The following SLC12A4 variants were observed in gnomAD, a reference collection of about 807,000 sequenced individuals.
SLC12A4 encodes solute carrier family 12 member 4.
SLC12A4 carries 84 observed loss-of-function variants against 119.2 expected under a neutral mutation model. The observed-to-expected ratio is 0.70, with a 90% CI of 0.59 to 0.85. The LOEUF is 0.85. Ranked by LOEUF, SLC12A4 falls within the 40% of genes least tolerant of loss-of-function variation. SLC12A4 has a pLI of 0.00. For synonymous variants in SLC12A4, 599 were observed against 604.6 expected (o/e 0.99, Z 0.14); for missense variants, 1,298 against 1,476.3 (o/e 0.88, Z 1.98).
chr16:67,961,991 G>C (rs1351257937), intron 2 of SLC12A4, among the ~76,000 whole-genome samples: 2 of 152,214 alleles, frequency 1.3e-5, no homozygotes, highest in Non-Finnish European at 2.9e-5. Context: ...GGGGAGAGAG[G>C]GCAGGGAAGA....
intron 1 of SLC12A4, chr16:67,963,901 C>T (rs2030726145): frequency 2.6e-6 from 4 of 1,550,764 alleles, no homozygotes; most frequent in Middle Eastern, 1.7e-4. Flanking sequence ...CCTCCACGCC[C>T]CAGTCCCTTT....
chr16:67,956,337 G>A (rs1426341249), intron 5 of SLC12A4, among the ~76,000 whole-genome samples: 2 of 152,144 alleles, frequency 1.3e-5, no homozygotes, highest in African/African-American at 2.4e-5. Context: ...CCCACAGGCA[G>A]GAGAATAATC....
chr16:67,958,093 C>T (rs375156909), intron 3 of SLC12A4, 49 bp from the exon 4 acceptor site: 4 of 1,587,664 alleles, frequency 2.5e-6, no homozygotes, highest in Non-Finnish European at 3.4e-6. Flanking sequence ...GAGGGATGCA[C>T]CATGGAGAGT....
chr16:67,968,428 C>T lies in SLC12A4; in HGVS notation c.115+11G>A. ...GCTGCCCCGCCACGGCCCCTCAGAACGCGCCCTCACCGTCCGAGTCATCCA... is the reference window on the plus strand; with the variant it reads ...GCTGCCCCGCCACGGCCCCTCAGAATGCGCCCTCACCGTCCGAGTCATCCA... On this transcript the variant is annotated intron_variant, in intron 1 of 23. Coordinates refer to ENST00000316341, the MANE Select transcript of SLC12A4 (RefSeq NM_005072.5). The T allele has an allele frequency of 6.4e-7, 1 of 1,563,998 alleles. No individual in the cohort carries two copies. Among genetic ancestry groups the T allele is most frequent in the Non-Finnish European group, 8.6e-7 (1 of 1,162,468 alleles).
In SLC12A4 at chr16:67,949,998, C is replaced by G; in HGVS notation, c.1630-80G>C. On this transcript the variant is annotated intron_variant, in intron 12 of 23. Coordinates refer to ENST00000316341, the MANE Select transcript of SLC12A4 (RefSeq NM_005072.5). This position sits in a 1 kb window ranked among gnomAD's most constrained non-coding sequence, Gnocchi z 4.6. Reference sequence around the variant, plus strand: ...CCCCAGACCCCAGCCTGGCCTCCCTCACCCCCAGGGCCCGCCTTGGGGGCT... The same window carrying G: ...CCCCAGACCCCAGCCTGGCCTCCCTGACCCCCAGGGCCCGCCTTGGGGGCT... 8.6e-7 allele frequency: 1 copy of G among 1,165,310 alleles called. No homozygotes were observed. The highest frequency in any genetic ancestry group is 1.5e-5 in the African/African-American group (1 of 65,428). The allele number at this position is 1,165,310 out of a possible 1,614,324, so 72.2% of individuals were successfully genotyped here.
chr16:67,963,658 T>C, intron 1 of SLC12A4, 99 bp from the exon 2 acceptor site: 3 of 965,228 alleles, frequency 3.1e-6, no homozygotes, highest in Non-Finnish European at 4.6e-6. Flanking sequence ...GTGGAGCACT[T>C]TGGAGCTGCA....
chr16:67,964,020 G>A (rs577204120), intron 1 of SLC12A4: 4 of 1,550,948 alleles, frequency 2.6e-6, no homozygotes, highest in East Asian at 2.4e-5. Flanking sequence ...AGCACCTTCG[G>A]CTGCCATGGC....
At chr16:67,954,969 T>A (rs2030168943) in intron 5 of SLC12A4, among the ~76,000 whole-genome samples, 196 bp from the exon 6 acceptor site, 1 of 152,194 alleles carries the variant, frequency 6.6e-6, no homozygotes, top group African/African-American at 2.4e-5. Flanking sequence ...CCTATCCCCA[T>A]CTGACTCGAA....
chr16:67,944,711 G>A lies in SLC12A4; in HGVS notation c.*129C>T. ...CTGGTTTCCAAGGAGACCTAGCAAA[G>A]CTGGGTCCAGGACAGGGCCAGGCAA... On this transcript the variant is annotated 3_prime_UTR_variant, in exon 24 of 24. Coordinates refer to ENST00000316341, the MANE Select transcript of SLC12A4 (RefSeq NM_005072.5). The surrounding 1 kb of genome is among the most constrained non-coding windows in gnomAD (Gnocchi z 6.6). 2 of 1,445,306 alleles carry A rather than the reference G, an allele frequency of 1.4e-6. No homozygotes were observed. The highest frequency in any genetic ancestry group is 2.5e-4 in the Middle Eastern group (1 of 3,970). 89.5% of individuals were successfully genotyped at this position (1,445,306 alleles called of 1,614,324 possible).
chr16:67,946,291 C>A lies in SLC12A4; in HGVS notation c.2487G>T (p.Lys829Asn), dbSNP rs767467883. The A allele has an allele frequency of 6.2e-6, 10 of 1,613,076 alleles. No homozygotes were observed. The highest frequency in any genetic ancestry group is 8.5e-6 in the Non-Finnish European group (10 of 1,180,034). The change falls in exon 19 of 24, where the codon AAG becomes AAT. Residue 829 changes from lysine (K) to asparagine (N), a missense_variant. Transcript: ENST00000316341. ...GGTTGCTGGGGTAGAAGGCGATGTT[C>A]TTGGGCACGAGCAGGGCCAGGTGGG... is the stretch of plus-strand genomic sequence containing the variant. ...TAAHLALLVP[K>N]NIAFYPSNHE...
rs1200845355 is a variant in SLC12A4 at position 67,950,727 on chromosome 16, G to A, written c.1397-16C>T. 4 of 1,598,478 alleles carry A rather than the reference G, an allele frequency of 2.5e-6. No homozygotes were observed. The highest frequency in any genetic ancestry group is 2.3e-5 in the East Asian group (1 of 43,588). ...CTGCTGAAGTCTGCGGCGGCGTCAAGGAAAACTCGGCCTCTGCCACCCCAC... is the reference window on the plus strand; with the variant it reads ...CTGCTGAAGTCTGCGGCGGCGTCAAAGAAAACTCGGCCTCTGCCACCCCAC... On this transcript the variant is annotated splice_polypyrimidine_tract_variant and intron_variant, in intron 10 of 23. Coordinates refer to ENST00000316341, the MANE Select transcript of SLC12A4 (RefSeq NM_005072.5). This position sits in a 1 kb window ranked among gnomAD's most constrained non-coding sequence, Gnocchi z 4.3.
Position 67,950,324 on chromosome 16 carries a change from G to T in SLC12A4, c.1624C>A (p.Leu542Ile). 1 of 1,613,774 alleles carries T rather than the reference G, an allele frequency of 6.2e-7. No homozygotes were observed. Among genetic ancestry groups the T allele is most frequent in the Non-Finnish European group, 8.5e-7 (1 of 1,179,970 alleles). The change falls in exon 12 of 24, where the codon CTC becomes ATC. Residue 542 changes from leucine to isoleucine, a missense_variant. Physicochemically the swap from Leu to Ile is conservative, Grantham distance 5 (BLOSUM62 2). Transcript: ENST00000316341. The surrounding 1 kb of genome is among the most constrained non-coding windows in gnomAD (Gnocchi z 4.3). ...AIAKDNIIPF[L>I]RVFGHGKVNG... ...GGGAGTGCAGAGGGGCTCACCCGGA[G>T]GAAGGGGATGATGTTGTCCTTGGCA...
chr16:67,966,709 CCTCTGA>C, intron 1 of SLC12A4: 1 of 1,550,474 alleles, frequency 6.4e-7, no homozygotes, highest in Non-Finnish European at 8.7e-7. Flanking sequence ...TGCTTTGTGC[CCTCTGA>C]CCCTTTGCAG....
Position 67,954,766 on chromosome 16 carries a change from G to T in SLC12A4, c.552C>A (p.Gly184=). 3 of 1,614,138 alleles carry T rather than the reference G, an allele frequency of 1.9e-6. No homozygotes were observed. ...GTGAACGAGAGATCATGAAATAGGA[G>T]CCCCCAGCTACAGCAGAGAAATGAA... ...IATNGVVPAG[G]SYFMISRSLG... is the part of the protein sequence containing the mutation. The change falls in exon 6 of 24, where the codon GGC becomes GGA. Residue 184 remains glycine (G), a synonymous_variant. Coordinates refer to ENST00000316341, the MANE Select transcript of SLC12A4 (RefSeq NM_005072.5).
In SLC12A4 at chr16:67,951,590, C is replaced by G; in HGVS notation, c.1132+233G>C. On this transcript the variant is annotated intron_variant, in intron 8 of 23. Transcript: ENST00000316341. The surrounding 1 kb of genome is among the most constrained non-coding windows in gnomAD (Gnocchi z 5.2). ...CTGTGGGAACATCCCCAGGCAGTGT[C>G]AGGGGCTGGTGGCTGGGGAAGACAG... 1.6e-6 allele frequency: 1 copy of G among 611,254 alleles called. No individual in the cohort carries two copies. The highest frequency in any genetic ancestry group is 2.8e-5 in the East Asian group (1 of 36,284). The allele number at this position is 611,254 out of a possible 1,614,324, so 37.9% of individuals were successfully genotyped here.
Position 67,950,800 on chromosome 16 carries a change from A to T in SLC12A4, c.1397-89T>A. The T allele has an allele frequency of 6.6e-7, 1 of 1,512,964 alleles. No individual in the cohort carries two copies. The highest frequency in any genetic ancestry group is 1.2e-5 in the South Asian group (1 of 84,824). 93.7% of individuals were successfully genotyped at this position (1,512,964 alleles called of 1,614,324 possible). ...CCCCCACCCCAGCCAGACTACCAGG[A>T]CACCTACAGCTGGGAGTCTCGTGGT... On this transcript the variant is annotated intron_variant, in intron 10 of 23. Coordinates refer to ENST00000316341, the MANE Select transcript of SLC12A4 (RefSeq NM_005072.5). This position sits in a 1 kb window ranked among gnomAD's most constrained non-coding sequence, Gnocchi z 4.3.
chr16:67,949,480 A>G lies in SLC12A4; in HGVS notation c.1748+320T>C, dbSNP rs2058389061. 1 of 214,992 alleles carries G rather than the reference A, an allele frequency of 4.7e-6. No individual in the cohort carries two copies. The highest frequency in any genetic ancestry group is 9.2e-6 in the Non-Finnish European group (1 of 109,244). The allele number at this position is 214,992 out of a possible 1,614,324, so 13.3% of individuals were successfully genotyped here. ...AAAAAAAACAAAAACCAAAAAACAA[A>G]CTAACAGATGGAAGGGGCAGCAGTG... On this transcript the variant is annotated intron_variant, in intron 13 of 23. Coordinates refer to ENST00000316341, the MANE Select transcript of SLC12A4 (RefSeq NM_005072.5). The surrounding 1 kb of genome is among the most constrained non-coding windows in gnomAD (Gnocchi z 4.6).
In SLC12A4 at chr16:67,963,483, C is replaced by A. The variant is rs868280871; in HGVS notation, c.192G>T (p.Arg64Ser). The stretch of plus-strand genomic sequence containing the variant: ...CAGCTACCTCAAACAGTGCCAGGTT[C>A]CTGTCATAGTAGTCAATTCCTCTGG... The part of the protein sequence containing the change: ...EASRGIDYYD[R>S]NLALFEEELD... The change falls in exon 2 of 24, where the codon AGG becomes AGT. Residue 64 changes from arginine (R) to serine (S), a missense_variant. Coordinates refer to ENST00000316341, the MANE Select transcript of SLC12A4 (RefSeq NM_005072.5). 1 of 1,579,120 alleles carries A rather than the reference C, an allele frequency of 6.3e-7. No individual in the cohort carries two copies. The highest frequency in any genetic ancestry group is 1.7e-4 in the Middle Eastern group (1 of 5,926).
rs987510336 is a variant in SLC12A4 at position 67,950,109 on chromosome 16, A to C, written c.1630-191T>G. ...GGCCTCTCTCCTTTGGATGAGCCCT[A>C]AACAGGCCATGAAGATTCTGGGTCC... On this transcript the variant is annotated intron_variant, in intron 12 of 23. Coordinates refer to ENST00000316341, the MANE Select transcript of SLC12A4 (RefSeq NM_005072.5). This position sits in a 1 kb window ranked among gnomAD's most constrained non-coding sequence, Gnocchi z 4.3. 7 of 686,540 alleles carry C rather than the reference A, an allele frequency of 1.0e-5. No homozygotes were observed. Among genetic ancestry groups the C allele is most frequent in the South Asian group, 7.6e-5 (4 of 52,950 alleles). The allele number at this position is 686,540 out of a possible 1,614,324, so 42.5% of individuals were successfully genotyped here. A position where few individuals can be genotyped will look rare whatever the true frequency, so the allele number is the denominator to read the frequency against.
Sources: allele counts gnomAD v4.1 joint callset (sites outside exome capture counted in the v4.1 genomes callset), GRCh38; gene constraint gnomAD v4.1.1; non-coding constraint Gnocchi (gnomAD v3.1); transcripts MANE v1.5; gene names NCBI Gene and HGNC (gene_info 2026-07-23, HGNC 2026-07-21).